CTU2: variants seen among roughly 807,000 people sequenced by gnomAD.
CTU2 encodes cytoplasmic tRNA 2-thiolation protein 2.
CTU2 carries 80 observed loss-of-function variants against 64.1 expected under a neutral mutation model. The observed-to-expected ratio is 1.25, with a 90% confidence interval of 1.04 to 1.50. The LOEUF (loss-of-function observed/expected upper bound fraction) is 1.50. Ranked by LOEUF, CTU2 falls within the 40% of genes most tolerant of loss-of-function variation. CTU2 has a pLI of 0.00. For synonymous variants in CTU2, 482 were observed against 285.3 expected (o/e 1.69, Z -6.95); for missense variants, 1,110 against 690.2 (o/e 1.61, Z -6.81).
In CTU2 at chr16:88,710,409, T is replaced by G. The variant is rs570086641; in HGVS notation, c.282+127T>G. 2.6e-5 allele frequency: 24 copies of G among 915,250 alleles called. No homozygotes were observed. The East Asian group carries it at 3.4e-4, about 13-fold the overall frequency. The allele number at this position is 915,250 out of a possible 1,614,324, so 56.7% of individuals were successfully genotyped here. On this transcript the variant is annotated intron_variant, in intron 4 of 14. Transcript: ENST00000453996. Reference sequence around the variant, plus strand: ...GCAGTCCACCCTGCGGCCTGGACACTTGGGGGGTTCTCAGATGTGTTCACA... The same window carrying G: ...GCAGTCCACCCTGCGGCCTGGACACGTGGGGGGTTCTCAGATGTGTTCACA...
chr16:88,714,646 AT>A lies in CTU2; in HGVS notation c.1262del (p.Ile421ThrfsTer3). On this transcript the variant is annotated frameshift_variant, in exon 12 of 15. Coordinates refer to ENST00000453996, the MANE Select transcript of CTU2 (RefSeq NM_001012759.3). LOFTEE classifies it high-confidence loss of function. ...SSRLSQMQSP[I>X]PLTETRTPPG... The stretch of plus-strand genomic sequence containing the variant: ...GCGTCTCTCCCAGATGCAGTCACCC[AT>A]CCCCCTGACTGAGACCCGGACACCC... The A allele has an allele frequency of 5.0e-6, 8 of 1,612,498 alleles. No homozygotes were observed. The highest frequency in any genetic ancestry group is 6.8e-6 in the Non-Finnish European group (8 of 1,179,836).
At chr16:88,706,696 C>A in intron 1 of CTU2, 98 bp downstream of exon 1, 1 of 923,250 alleles carries the variant, frequency 1.1e-6, no homozygotes, top group Non-Finnish European at 1.5e-6. Flanking sequence ...GGAAGCCCCG[C>A]GTGGAGAGCG....
At chr16:88,709,764 C>G in intron 2 of CTU2, 174 bp from the exon 3 acceptor site, 1 of 636,068 alleles carries the variant, frequency 1.6e-6, no homozygotes, top group South Asian at 1.9e-5. Context: ...GAGGAAGCCA[C>G]TGCCAGAGGG....
intron 13 of CTU2, 21 bp downstream of exon 13, chr16:88,714,947 C>T (rs371087903): frequency 1.2e-6 from 2 of 1,610,892 alleles, no homozygotes; most frequent in African/African-American, 1.3e-5. Flanking sequence ...GCCCACCTGT[C>T]CTGGGCCGGG....
intron 2 of CTU2, 179 bp from the exon 3 acceptor site, chr16:88,709,759 A>C: frequency 3.2e-6 from 2 of 620,560 alleles, no homozygotes; most frequent in Admixed American, 2.8e-5. Flanking sequence ...ACCCTGAGGA[A>C]GCCACTGCCA....
intron 11 of CTU2, 39 bp from the exon 12 acceptor site, chr16:88,714,548 C>A: frequency 6.2e-7 from 1 of 1,611,992 alleles, no homozygotes; most frequent in South Asian, 1.1e-5. Flanking sequence ...TGTGGGGGCT[C>A]AGCAGCCCCA....
rs767746054 is a variant in CTU2, at chr16:88,712,271, C to G, written c.344-3C>G. On this transcript the variant is annotated splice_region_variant and splice_polypyrimidine_tract_variant and intron_variant, in intron 5 of 14. Transcript: ENST00000453996. ...CCTGACTCTTTCTGCCTGGGTTTTT[C>G]AGAGGGAGCAGCCTGTGGCCAGAGC... 1.3e-6 allele frequency: 2 copies of G among 1,594,436 alleles called. No individual in the cohort carries two copies. The highest frequency in any genetic ancestry group is 1.7e-6 in the Non-Finnish European group (2 of 1,170,132).
rs371031341 is a variant in CTU2, at chr16:88,715,204, C to T, written c.1501C>T (p.Arg501Trp). Reference protein sequence around the residue: ...TQRAWGLQEIRDCLIEDSDDE... With the variant: ...TQRAWGLQEIWDCLIEDSDDE... Reference sequence around the variant, plus strand: ...TAGGGCCTGGGGCTTGCAGGAGATCCGGGACTGTCTGATTGAGGACAGTGA... The same window carrying T: ...TAGGGCCTGGGGCTTGCAGGAGATCTGGGACTGTCTGATTGAGGACAGTGA... Residue 501 changes from arginine to tryptophan, a missense_variant, in exon 15 of 15, where the codon CGG becomes TGG. Physicochemically the swap from Arg to Trp is moderately radical, Grantham distance 101 (BLOSUM62 -3). Coordinates refer to ENST00000453996, the MANE Select transcript of CTU2 (RefSeq NM_001012759.3). The T allele has an allele frequency of 8.4e-5, 135 of 1,612,302 alleles. No individual in the cohort carries two copies. The highest frequency in any genetic ancestry group is 1.6e-4 in the Middle Eastern group (1 of 6,078).
At chr16:88,714,101 G>A in intron 9 of CTU2, 35 bp from the exon 10 acceptor site, 1 of 1,601,668 alleles carries the variant, frequency 6.2e-7, no homozygotes, top group Non-Finnish European at 8.5e-7. Context: ...CTGGCCTCTG[G>A]GCTTTCCCAT....
chr16:88,711,650 T>G lies in CTU2; in HGVS notation c.298T>G (p.Ser100Ala), dbSNP rs984286756. The G allele has an allele frequency of 6.2e-7, 1 of 1,606,490 alleles. No homozygotes were observed. The highest frequency in any genetic ancestry group is 8.5e-7 in the Non-Finnish European group (1 of 1,175,220). Residue 100 changes from serine (S) to alanine (A), a missense_variant, in exon 5 of 15, where the codon TCT becomes GCT. Physicochemically the swap from Ser to Ala is moderately conservative, Grantham distance 99 (BLOSUM62 1). Transcript: ENST00000453996. ...CTCCCTCTAGGGCCTGAGCCAAGAT[T>G]CTGCCAAAAGACTGCGCTTTGTGGC... The part of the protein sequence containing the change: ...WQVLEGLSQD[S>A]AKRLRFVAGV...
At position 88,714,599 on chromosome 16, in the gene CTU2, C is replaced by T; in HGVS notation, c.1214C>T (p.Ala405Val). Residue 405 changes from alanine to valine, a missense_variant, in exon 12 of 15, where the codon GCT becomes GTT. Coordinates refer to ENST00000453996, the MANE Select transcript of CTU2 (RefSeq NM_001012759.3). ...TCTCTGCTTGCAGACAGTGCCACGG[C>T]TTTTGGGGCTCAGACCTCCTCGCGT... ...LDVDAADSAT[A>V]FGAQTSSRLS... 6.2e-7 allele frequency: 1 copy of T among 1,612,648 alleles called. No homozygotes were observed. Among genetic ancestry groups the T allele is most frequent in the Non-Finnish European group, 8.5e-7 (1 of 1,179,898 alleles).
At chr16:88,714,956 G>A (rs1324412626) in intron 13 of CTU2, 30 bp downstream of exon 13, 1 of 1,606,988 alleles carries the variant, frequency 6.2e-7, no homozygotes, top group Non-Finnish European at 8.5e-7. Flanking sequence ...TCCTGGGCCG[G>A]GCTTGGGGAC....
At position 88,706,582 on chromosome 16, in the gene CTU2, C is replaced by T; in HGVS notation, c.52C>T (p.Pro18Ser). 1 of 1,454,384 alleles carries T rather than the reference C, an allele frequency of 6.9e-7. No homozygotes were observed. The highest frequency in any genetic ancestry group is 9.0e-7 in the Non-Finnish European group (1 of 1,110,498). 90.1% of individuals were successfully genotyped at this position (1,454,384 alleles called of 1,614,324 possible). A position where few individuals can be genotyped will look rare whatever the true frequency, so the allele number is the denominator to read the frequency against. ...GGAGCCGGCGCCTGAGGAGCCGCCCCCGGCGCCGCGGCCCAGGTAAGAGCT... is the reference window on the plus strand; with the variant it reads ...GGAGCCGGCGCCTGAGGAGCCGCCCTCGGCGCCGCGGCCCAGGTAAGAGCT... ...YGEPAPEEPP[P>S]APRPSREQKC... The change falls in exon 1 of 15, where the codon CCG becomes TCG. Residue 18 changes from proline (P) to serine (S), a missense_variant. Transcript: ENST00000453996.
chr16:88,712,718 C>T lies in CTU2; in HGVS notation c.550C>T (p.Gln184Ter), dbSNP rs754150426. 5 of 1,609,766 alleles carry T rather than the reference C, an allele frequency of 3.1e-6. No individual in the cohort carries two copies. The Admixed American group carries it at 5.0e-5, about 16-fold the overall frequency. ...YKAAVDSFLQ[Q>*]QHVLGAGGGP... ...GGCGGCCGTGGACAGCTTCCTCCAG[C>T]AGCAGCATGTGCTGGGGGCCGGGGG... Residue 184 changes from glutamine to a stop codon, truncating the protein, a stop_gained, in exon 7 of 15, where the codon CAG becomes TAG. Transcript: ENST00000453996. LOFTEE classifies it high-confidence loss of function.
At chr16:88,707,355 G>T in intron 2 of CTU2, 145 bp downstream of exon 2, 1 of 772,996 alleles carries the variant, frequency 1.3e-6, no homozygotes, top group East Asian at 2.7e-5. Context: ...CGTGCCCCTG[G>T]TGTTGAAGTG....
At chr16:88,713,927 CCT>C in intron 9 of CTU2, 149 bp downstream of exon 9, 1 of 1,235,534 alleles carries the variant, frequency 8.1e-7, no homozygotes, top group Admixed American at 1.9e-5. Flanking sequence ...CTGAGCCCAC[CCT>C]GTGCCGTGAG....
chr16:88,706,658 C>A, intron 1 of CTU2, 60 bp downstream of exon 1: 1 of 1,228,734 alleles, frequency 8.1e-7, no homozygotes, highest in African/African-American at 1.6e-5. Flanking sequence ...CACTCCTGCC[C>A]CGAAGGGTCC....
In CTU2 at chr16:88,715,090, C is replaced by T; in HGVS notation, c.1462C>T (p.Gln488Ter). ...PLPPYILAEA[Q>*]LRTQRAWGLQ... Reference sequence around the variant, plus strand: ...GCCGCCGTACATCCTGGCTGAGGCCCAGCTCCGCACACAGAGGTACTGGGG... The same window carrying T: ...GCCGCCGTACATCCTGGCTGAGGCCTAGCTCCGCACACAGAGGTACTGGGG... The change falls in exon 14 of 15, where the codon CAG becomes TAG. Residue 488 changes from glutamine to a stop codon, truncating the protein, a stop_gained. Transcript: ENST00000453996. LOFTEE classifies it low-confidence loss of function (END_TRUNC). 6.3e-7 allele frequency: 1 copy of T among 1,579,526 alleles called. No homozygotes were observed. Among genetic ancestry groups the T allele is most frequent in the South Asian group, 1.2e-5 (1 of 86,364 alleles).
Position 88,713,715 on chromosome 16 carries a change from G to A in CTU2, c.942G>A (p.Glu314=). ...VRPMRDHTLK[E]VAFYNRLFSV... ...CCATGCGGGACCACACCCTGAAGGA[G>A]GTCGCTTTCTACAACCGCCTGTTCT... Residue 314 remains glutamate, a synonymous_variant, in exon 9 of 15, where the codon GAG becomes GAA. Coordinates refer to ENST00000453996, the MANE Select transcript of CTU2 (RefSeq NM_001012759.3). 3.7e-6 allele frequency: 6 copies of A among 1,612,706 alleles called. No individual in the cohort carries two copies. The highest frequency in any genetic ancestry group is 5.1e-6 in the Non-Finnish European group (6 of 1,179,908).
Sources: gnomAD v4.1 joint callset for allele counts on GRCh38, gnomAD v4.1.1 for gene constraint, MANE v1.5 for transcripts, NCBI Gene and HGNC (gene_info 2026-07-23, HGNC 2026-07-21) for gene names.